The following GDI2 variants were observed in gnomAD, a reference collection of about 807,000 sequenced individuals.
GDI2 encodes GDP dissociation inhibitor 2, also known as rab GDP dissociation inhibitor beta.
Under a neutral mutation model 54.2 loss-of-function variants are expected in GDI2, and 22 were observed. The observed-to-expected ratio is 0.41, with a 90% CI of 0.29 to 0.58. GDI2 has a LOEUF of 0.58. Ranked by LOEUF, GDI2 falls within the 20% of genes least tolerant of loss-of-function variation. The probability of loss-of-function intolerance (pLI) is 0.35; values close to 1 mark genes in which losing one functional copy is unlikely to be tolerated. For missense variants in GDI2, 422 were observed against 546.0 expected, an observed-to-expected ratio of 0.77 and a Z score of 2.26; for synonymous variants, 177 against 182.1, an observed-to-expected ratio of 0.97 and a Z score of 0.23.
intron 4 of GDI2, among the ~76,000 whole-genome samples, chr10:5,794,222 TATATATATATAA>T (rs1480035345): frequency 2.5e-4 from 25 of 100,456 alleles, no homozygotes; most frequent in African/African-American, 8.4e-4. Context: ...TATATATATA[TATATATATATAA>T]AACTCACCAG....
At chr10:5,788,114 T>C (rs1220220193) in intron 4 of GDI2, among the ~76,000 whole-genome samples, 2 of 152,066 alleles carry the variant, frequency 1.3e-5, no homozygotes, top group Non-Finnish European at 2.9e-5. Flanking sequence ...GTATTACAAA[T>C]ACTTCAAACA....
intron 1 of GDI2, among the ~76,000 whole-genome samples, chr10:5,809,501 A>C (rs114308357): frequency 1.3e-3 from 199 of 152,288 alleles, no homozygotes; most frequent in Middle Eastern, 6.8e-3. Flanking sequence ...AAACCTTGCC[A>C]ATATTTTTTT....
intron 1 of GDI2, chr10:5,811,926 G>A (rs888805016): frequency 4.5e-5 from 51 of 1,137,096 alleles, no homozygotes; most frequent in Non-Finnish European, 5.5e-5. Context: ...CTTGCCTAGA[G>A]ACATCTAAAA....
intron 1 of GDI2, among the ~76,000 whole-genome samples, chr10:5,801,657 CAA>C (rs1291037843): frequency 1.3e-5 from 2 of 151,768 alleles, no homozygotes; most frequent in Non-Finnish European, 2.9e-5. Context: ...GCCTGGGCAA[CAA>C]GAGCTAAACT....
At chr10:5,797,994 T>C (rs1213404493) in intron 2 of GDI2, among the ~76,000 whole-genome samples, 1 of 152,228 alleles carries the variant, frequency 6.6e-6, no homozygotes, top group Non-Finnish European at 1.5e-5. Flanking sequence ...TGAGCTTTAC[T>C]GAGGTATAAC....
intron 6 of GDI2, among the ~76,000 whole-genome samples, chr10:5,784,391 CG>C (rs1840827191): frequency 6.6e-6 from 1 of 152,134 alleles, no homozygotes; most frequent in African/African-American, 2.4e-5. Context: ...CCTTGATTGG[CG>C]TAATAATGAC....
Position 5,813,426 on chromosome 10 carries a change from A to T in GDI2, c.-168T>A. 1 of 372,338 alleles carries T rather than the reference A, an allele frequency of 2.7e-6. No individual in the cohort carries two copies. Among genetic ancestry groups the T allele is most frequent in the Non-Finnish European group, 5.0e-6 (1 of 198,962 alleles). The allele number at this position is 372,338 out of a possible 1,614,324, so 23.1% of individuals were successfully genotyped here. A position where few individuals can be genotyped will look rare whatever the true frequency, so the allele number is the denominator to read the frequency against. ...ACCGACCGCCACCTCAGACGGGAAG[A>T]GAAGAACTGGGCGGGGAGAGGAGGG... On this transcript the variant is annotated 5_prime_UTR_variant, in exon 1 of 11. Transcript: ENST00000380191.
chr10:5,812,885 G>T (rs1841506784), intron 1 of GDI2, among the ~76,000 whole-genome samples: 1 of 152,208 alleles, frequency 6.6e-6, no homozygotes, highest in South Asian at 2.1e-4. Flanking sequence ...ACCGGGGAGC[G>T]GGACCCTTGG....
intron 1 of GDI2, among the ~76,000 whole-genome samples, chr10:5,801,800 C>A (rs544145662): frequency 6.6e-6 from 1 of 152,114 alleles, no homozygotes; most frequent in African/African-American, 2.4e-5. Flanking sequence ...TGCTTGAACC[C>A]AGGAATTTCA....
At chr10:5,782,434 T>C (rs1032724978) in intron 6 of GDI2, among the ~76,000 whole-genome samples, 7 of 152,310 alleles carry the variant, frequency 4.6e-5, no homozygotes, top group Admixed American at 2.6e-4. Flanking sequence ...TTCAGACTTC[T>C]ATCTGCCACA....
chr10:5,769,304 G>GC (rs1840432496), intron 7 of GDI2: 1 of 152,194 alleles, frequency 6.6e-6, no homozygotes, highest in South Asian at 2.1e-4. Context: ...GGGCGCGGTG[G>GC]CTCACGTCTG....
At chr10:5,773,991 C>G in intron 6 of GDI2, 50 bp from the exon 7 acceptor site, 1 of 754,682 alleles carries the variant, frequency 1.3e-6, no homozygotes, top group Non-Finnish European at 2.3e-6. Flanking sequence ...GTTTCAACTC[C>G]TAAAGTCCCC....
At position 5,794,217 on chromosome 10, in the gene GDI2, ATATATATATATATAT is replaced by A. The variant is rs1841094675; in HGVS notation, c.388+653_388+667del. On this transcript the variant is annotated intron_variant, in intron 4 of 10. Coordinates refer to ENST00000380191, the MANE Select transcript of GDI2 (RefSeq NM_001494.4). ...TATATATATATATATATATATATAT[ATATATATATATATAT>A]AAAACTCACCAGGAGTTCCTAAAAT... Among the ~76,000 whole-genome samples the A allele has an allele frequency of 5.6e-5, 7 of 124,718 alleles. 1 individual carries two copies. The highest frequency in any genetic ancestry group is 1.4e-4 in the African/African-American group (5 of 34,922). The allele number at this position is 124,718 out of a possible 152,430, so 81.8% of individuals were successfully genotyped here.
intron 1 of GDI2, among the ~76,000 whole-genome samples, chr10:5,811,292 G>C (rs1030643109): frequency 6.6e-6 from 1 of 152,124 alleles, no homozygotes; most frequent in South Asian, 2.1e-4. Flanking sequence ...GCTACAAAAT[G>C]ACAGCAGAAA....
chr10:5,784,993 C>T (rs569199518), intron 6 of GDI2, 149 bp downstream of exon 6: 3 of 498,488 alleles, frequency 6.0e-6, no homozygotes, highest in Admixed American at 7.1e-5. Context: ...CCATGCATAT[C>T]ATTATATGTT....
Position 5,765,710 on chromosome 10 carries a change from TA to T in GDI2, c.*295del. 6.4e-6 allele frequency: 2 copies of T among 311,276 alleles called. No individual in the cohort carries two copies. Among genetic ancestry groups the T allele is most frequent in the Non-Finnish European group, 1.2e-5 (2 of 171,162 alleles). The allele number at this position is 311,276 out of a possible 1,614,324, so 19.3% of individuals were successfully genotyped here. ...CACATAGCTACACTGATTAAAAGAT[TA>T]AAAAAACTGTCTCAAGTTGTCTGTG... On this transcript the variant is annotated 3_prime_UTR_variant, in exon 11 of 11. Transcript: ENST00000380191.
At chr10:5,792,959 CAAA>C (rs34475268) in intron 4 of GDI2, among the ~76,000 whole-genome samples, 10 of 91,988 alleles carry the variant, frequency 1.1e-4, no homozygotes, top group African/African-American at 1.1e-4. Context: ...GACCTTTGTC[CAAA>C]AAAAAAAAAA....
intron 1 of GDI2, among the ~76,000 whole-genome samples, chr10:5,810,701 G>A (rs1345142152): frequency 2.6e-5 from 4 of 152,192 alleles, no homozygotes; most frequent in African/African-American, 9.7e-5. Flanking sequence ...ACAGCATTTA[G>A]AAAGGCATTA....
At chr10:5,791,947 A>C (rs955348420) in intron 4 of GDI2, among the ~76,000 whole-genome samples, 9 of 150,550 alleles carry the variant, frequency 6.0e-5, no homozygotes, top group Non-Finnish European at 1.3e-4. Context: ...AACATCTGGG[A>C]TACTGTCTCT....
Sources: allele counts gnomAD v4.1 joint callset (sites outside exome capture counted in the v4.1 genomes callset), GRCh38; gene constraint gnomAD v4.1.1; transcripts MANE v1.5; gene names NCBI Gene and HGNC (gene_info 2026-07-23, HGNC 2026-07-21).